Variants in HMGB1 observed in about 807,000 individuals in gnomAD.
The protein encoded by HMGB1 is high mobility group box 1.
For missense variants in HMGB1, 79 were observed against 253.5 expected (o/e 0.31, Z 4.67); for synonymous variants, 81 against 84.0 (o/e 0.96, Z 0.19).
At chr13:30,615,062 A>G (rs780004366) in intron 1 of HMGB1, among the ~76,000 whole-genome samples, 7 of 152,082 alleles carry the variant, frequency 4.6e-5, no homozygotes, top group Non-Finnish European at 1.0e-4. Context: ...ATTAACCTTA[A>G]GCCCTGAAAC....
chr13:30,587,008 TA>T (rs1871182203), intron 1 of HMGB1, among the ~76,000 whole-genome samples: 1 of 152,174 alleles, frequency 6.6e-6, no homozygotes, highest in African/African-American at 2.4e-5. Context: ...TTATTATAAT[TA>T]AAATGTAATA....
chr13:30,463,115 T>C, intron 3 of HMGB1, 92 bp downstream of exon 3: 1 of 1,244,318 alleles, frequency 8.0e-7, no homozygotes, highest in East Asian at 2.3e-5. Context: ...GATTGTACAT[T>C]TACACTCTAA....
At chr13:30,615,596 A>G (rs955503679) in intron 1 of HMGB1, among the ~76,000 whole-genome samples, 13 of 152,320 alleles carry the variant, frequency 8.5e-5, no homozygotes, top group African/African-American at 3.1e-4. Flanking sequence ...TTAGATTGAG[A>G]TGTGGGATTA....
chr13:30,522,275 G>C (rs1888256785), intron 1 of HMGB1, among the ~76,000 whole-genome samples: 1 of 151,956 alleles, frequency 6.6e-6, no homozygotes, highest in Non-Finnish European at 1.5e-5. Flanking sequence ...ATCATGCCCA[G>C]CTAACTTCTT....
chr13:30,464,390 T>TCGTGGCTCGGTGGCCCCCTCCC, intron 1 of HMGB1: 1 of 985,424 alleles, frequency 1.0e-6, no homozygotes, highest in African/African-American at 1.7e-5. Context: ...CCACTCCTGC[T>TCGTGGCTCGGTGGCCCCCTCCC]CGTGGCTCGG....
intron 1 of HMGB1, among the ~76,000 whole-genome samples, chr13:30,499,252 A>T (rs543394146): frequency 1.3e-5 from 2 of 152,076 alleles, no homozygotes; most frequent in Non-Finnish European, 2.9e-5. Context: ...GTGTGAGCCA[A>T]TGTGCCCAGC....
chr13:30,524,189 G>C (rs563974754), intron 1 of HMGB1, among the ~76,000 whole-genome samples: 1 of 152,088 alleles, frequency 6.6e-6, no homozygotes, highest in East Asian at 1.9e-4. Flanking sequence ...GGCCTGTCAA[G>C]GGGTGGGGAG....
At chr13:30,495,365 C>T (rs1357562224) in intron 1 of HMGB1, among the ~76,000 whole-genome samples, 1 of 152,176 alleles carries the variant, frequency 6.6e-6, no homozygotes, top group Non-Finnish European at 1.5e-5. Context: ...AACTCTAATT[C>T]GTAGAAATTT....
chr13:30,464,020 CTAGAACACCATT>C (rs1565994875), intron 1 of HMGB1: 1 of 796,904 alleles, frequency 1.3e-6, no homozygotes, highest in African/African-American at 1.9e-5. Context: ...ATTTTAAAAT[CTAGAACACCATT>C]TTAAACCAAC....
At chr13:30,587,397 A>C (rs925447899) in intron 1 of HMGB1, among the ~76,000 whole-genome samples, 7 of 152,208 alleles carry the variant, frequency 4.6e-5, no homozygotes, top group African/African-American at 1.7e-4. Flanking sequence ...GCATGACCAC[A>C]GCACGCTACA....
intron 1 of HMGB1, among the ~76,000 whole-genome samples, chr13:30,547,047 ATG>A (rs910520336): frequency 2.0e-5 from 3 of 152,228 alleles, no homozygotes; most frequent in African/African-American, 4.8e-5. Flanking sequence ...AGCAGAGATA[ATG>A]TGTGTGGCCC....
intron 1 of HMGB1, among the ~76,000 whole-genome samples, chr13:30,602,731 G>C (rs1950415083): frequency 6.6e-6 from 1 of 152,180 alleles, no homozygotes; most frequent in Non-Finnish European, 1.5e-5. Flanking sequence ...CTTTAGTCTG[G>C]TTTAAGCTAA....
Position 30,535,600 on chromosome 13 carries a change from A to T in HMGB1, c.-14-71906T>A, listed in dbSNP as rs187140777. ...CTTATTTGAATTAATGTGCACTTTTAAAAAACCTGCAGGGCACAGGGACTC... is the reference window on the plus strand; with the variant it reads ...CTTATTTGAATTAATGTGCACTTTTTAAAAACCTGCAGGGCACAGGGACTC... On this transcript the variant is annotated intron_variant, in intron 1 of 4. Transcript: ENST00000405805. 7.9e-5 allele frequency among the ~76,000 whole-genome samples: 12 copies of T among 152,326 alleles called. No individual in the cohort carries two copies. In the East Asian group the frequency reaches 2.1e-3, roughly 27 times the overall value.
At chr13:30,477,100 G>A (rs8001421) in intron 1 of HMGB1, among the ~76,000 whole-genome samples, 18,526 of 151,924 alleles carry the variant, frequency 0.12, 1,425 homozygotes, top group Admixed American at 0.26. Flanking sequence ...AAATAAAAAC[G>A]GTATCACATT....
chr13:30,489,769 C>G (rs568644781), intron 1 of HMGB1, among the ~76,000 whole-genome samples: 1 of 145,966 alleles, frequency 6.9e-6, no homozygotes, highest in Non-Finnish European at 1.5e-5. Flanking sequence ...GAGTCTCGCT[C>G]TGTCGCCCAG....
At position 30,510,559 on chromosome 13, in the gene HMGB1, A is replaced by T. The variant is rs535292661; in HGVS notation, c.-14-46865T>A. Among the ~76,000 whole-genome samples, 65 of 151,488 alleles carry T rather than the reference A, an allele frequency of 4.3e-4. 1 individual carries two copies. In the Middle Eastern group the frequency reaches 0.01, roughly 24 times the overall value. On this transcript the variant is annotated intron_variant, in intron 1 of 4. Coordinates refer to the HMGB1 transcript ENST00000405805. ...ATGATTTTTTTTTTCCATCCTTCTG[A>T]CCTTGTTGTTGTCTCTGCCATGGCT... is the stretch of plus-strand genomic sequence containing the variant.
In HMGB1 at chr13:30,458,685, T is replaced by C. The variant is rs1886113830; in HGVS notation, c.*2672A>G. ...ACAATGTCTGAGCAATGGTTACAAT[T>C]CCTTAGGTAGTAAGGGAAATACCTG... On this transcript the variant is annotated 3_prime_UTR_variant, in exon 5 of 5. Transcript: ENST00000341423. The C allele has an allele frequency of 6.6e-6, 1 of 152,194 alleles. No individual in the cohort carries two copies. Among genetic ancestry groups the C allele is most frequent in the African/African-American group, 2.4e-5 (1 of 41,450 alleles). 9.4% of individuals were successfully genotyped at this position (152,194 alleles called of 1,614,324 possible).
chr13:30,588,857 C>T (rs1399962869), intron 1 of HMGB1, among the ~76,000 whole-genome samples: 1 of 151,788 alleles, frequency 6.6e-6, no homozygotes, highest in Non-Finnish European at 1.5e-5. Context: ...GCGGAGGTTG[C>T]AGTGAGCCGA....
At chr13:30,574,565 C>T (rs1870566499) in intron 1 of HMGB1, among the ~76,000 whole-genome samples, 1 of 152,198 alleles carries the variant, frequency 6.6e-6, no homozygotes, top group Non-Finnish European at 1.5e-5. Context: ...ATGCTAATTT[C>T]CATGACCCTG....
Sources: allele counts gnomAD v4.1 joint callset (sites outside exome capture counted in the v4.1 genomes callset), GRCh38; gene constraint gnomAD v4.1.1; transcripts MANE v1.5; gene names NCBI Gene and HGNC (gene_info 2026-07-23, HGNC 2026-07-21).